The following ARHGAP6 variants were observed in gnomAD, a reference collection of about 807,000 sequenced individuals.
The protein encoded by ARHGAP6 is rho GTPase-activating protein 6.
In ARHGAP6, 16 loss-of-function variants were observed where a neutral mutation model predicts 55.7. The ratio of observed to expected loss-of-function variants is 0.29; its 90% CI spans 0.19 to 0.44. ARHGAP6 has a LOEUF of 0.44. Among genes scored for constraint, ARHGAP6 ranks in the 20% least tolerant of loss-of-function variants. The pLI is 1.00. For synonymous variants in ARHGAP6, 382 were observed against 360.9 expected, an observed-to-expected ratio of 1.06 and a Z score of -0.66; for missense variants, 698 against 808.9, an observed-to-expected ratio of 0.86 and a Z score of 1.66.
chrX:11,589,748 T>C (rs773271246), intron 1 of ARHGAP6, among the ~76,000 whole-genome samples: 1 of 111,435 alleles, frequency 9.0e-6, no homozygotes, highest in Non-Finnish European at 1.9e-5. Flanking sequence ...AGCCCACTCA[T>C]GTGGTGATGT....
chrX:11,176,232 C>CAT (rs746195419), intron 8 of ARHGAP6, among the ~76,000 whole-genome samples: 2,363 of 23,806 alleles, frequency 0.099, 217 homozygotes, highest in Admixed American at 0.11. Context: ...AGAGGATTTG[C>CAT]ATATATATAT....
chrX:11,241,018 C>T (rs1007235987), intron 2 of ARHGAP6, among the ~76,000 whole-genome samples: 12 of 103,580 alleles, frequency 1.2e-4, no homozygotes, highest in African/African-American at 4.3e-4. Flanking sequence ...GAGCTATGAT[C>T]GTGTCACTGC....
chrX:11,238,075 T>A (rs1419720443), intron 2 of ARHGAP6, among the ~76,000 whole-genome samples: 1 of 112,380 alleles, frequency 8.9e-6, no homozygotes, highest in African/African-American at 3.2e-5. Context: ...CTGGTCTATG[T>A]ATAACTCAAC....
Position 11,499,744 on chromosome X carries a change from C to G in ARHGAP6, c.588+164497G>C, listed in dbSNP as rs1333567373. ...ATTTCATCCTTACTGCCTGAAGGGA[C>G]TCTGATCCTTGCCTCTCCCAGGCAC... On this transcript the variant is annotated intron_variant, in intron 1 of 12. Coordinates refer to ENST00000337414, the MANE Select transcript of ARHGAP6 (RefSeq NM_013427.3). 2.7e-5 allele frequency among the ~76,000 whole-genome samples: 3 copies of G among 112,182 alleles called. No individual in the cohort carries two copies. The East Asian group carries it at 8.4e-4, about 31-fold the overall frequency.
At chrX:11,152,972 A>T (rs1255316225) in intron 10 of ARHGAP6, among the ~76,000 whole-genome samples, 1 of 111,967 alleles carries the variant, frequency 8.9e-6, no homozygotes, top group Non-Finnish European at 1.9e-5. Flanking sequence ...GGGGCTGGTG[A>T]GTCTGACAGC....
At chrX:11,541,274 C>G (rs1379156628) in intron 1 of ARHGAP6, among the ~76,000 whole-genome samples, 1 of 111,203 alleles carries the variant, frequency 9.0e-6, no homozygotes, top group Non-Finnish European at 1.9e-5. Flanking sequence ...GCAGGGCTAG[C>G]AGGCTTAGGA....
intron 2 of ARHGAP6, among the ~76,000 whole-genome samples, chrX:11,230,847 C>T (rs1323163090): frequency 5.4e-5 from 6 of 110,580 alleles, no homozygotes; most frequent in Admixed American, 3.9e-4. Context: ...CTCATTTACC[C>T]CCTGTTCTGC....
intron 2 of ARHGAP6, among the ~76,000 whole-genome samples, chrX:11,229,579 C>T (rs2047099288): frequency 8.9e-6 from 1 of 112,126 alleles, no homozygotes; most frequent in Non-Finnish European, 1.9e-5. Context: ...GTATGATGAA[C>T]TCTCTTACCT....
intron 2 of ARHGAP6, among the ~76,000 whole-genome samples, chrX:11,209,282 C>G (rs1465728312): frequency 9.0e-6 from 1 of 111,622 alleles, no homozygotes; most frequent in Admixed American, 9.5e-5. Context: ...TCTGGGATTA[C>G]AGATGTGTGC....
intron 1 of ARHGAP6, among the ~76,000 whole-genome samples, chrX:11,486,103 C>A (rs2050508555): frequency 9.0e-6 from 1 of 111,713 alleles, no homozygotes; most frequent in Admixed American, 9.5e-5. Context: ...GAGCTCAACA[C>A]ACACAAGCCA....
At chrX:11,360,803 G>A (rs1644547798) in intron 1 of ARHGAP6, among the ~76,000 whole-genome samples, 1 of 111,612 alleles carries the variant, frequency 9.0e-6, no homozygotes, top group African/African-American at 3.3e-5. Context: ...AGCAACCTCA[G>A]CAAAGTCTCA....
At chrX:11,334,385 T>C (rs2048602313) in intron 1 of ARHGAP6, 1 of 113,392 alleles carries the variant, frequency 8.8e-6, no homozygotes, top group Non-Finnish European at 1.9e-5. Flanking sequence ...AAACAAAGCA[T>C]GCCAATTTAG....
intron 1 of ARHGAP6, among the ~76,000 whole-genome samples, chrX:11,517,198 T>C (rs908187658): frequency 2.7e-5 from 3 of 111,953 alleles, no homozygotes; most frequent in Non-Finnish European, 3.8e-5. Flanking sequence ...AGCCCAGGCA[T>C]GACCTTCTTG....
At chrX:11,663,757 C>T (rs894925602) in intron 1 of ARHGAP6, among the ~76,000 whole-genome samples, 4 of 111,863 alleles carry the variant, frequency 3.6e-5, no homozygotes, top group South Asian at 3.8e-4. Context: ...TCTTGTCCCC[C>T]CTGCCACCCA....
intron 1 of ARHGAP6, among the ~76,000 whole-genome samples, chrX:11,513,830 T>G (rs1024481118): frequency 1.8e-5 from 2 of 110,937 alleles, no homozygotes; most frequent in African/African-American, 6.5e-5. Flanking sequence ...CACACTCTCC[T>G]TCACTTTCCA....
At chrX:11,278,484 G>T (rs1169763670) in intron 1 of ARHGAP6, among the ~76,000 whole-genome samples, 1 of 111,737 alleles carries the variant, frequency 8.9e-6, no homozygotes, top group African/African-American at 3.3e-5. Flanking sequence ...ATGCAGCTCT[G>T]TCAACACCTT....
At chrX:11,455,435 T>A (rs1002133677) in intron 1 of ARHGAP6, among the ~76,000 whole-genome samples, 3 of 112,415 alleles carry the variant, frequency 2.7e-5, no homozygotes, top group Non-Finnish European at 5.6e-5. Flanking sequence ...AGTAGCTGGA[T>A]CTTGCCACAG....
chrX:11,611,724 G>C (rs1012156524), intron 1 of ARHGAP6, among the ~76,000 whole-genome samples: 2 of 111,407 alleles, frequency 1.8e-5, no homozygotes, highest in African/African-American at 3.3e-5. Context: ...CCTTGCCCTT[G>C]CATTTCCACT....
intron 9 of ARHGAP6, among the ~76,000 whole-genome samples, chrX:11,164,738 G>A (rs1349338768): frequency 8.9e-6 from 1 of 111,964 alleles, no homozygotes; most frequent in Non-Finnish European, 1.9e-5. Flanking sequence ...TACAAGGGTG[G>A]TGTCTTCTCT....
Sources: gnomAD v4.1 joint callset for allele counts (sites outside exome capture counted in the v4.1 genomes callset) on GRCh38, gnomAD v4.1.1 for gene constraint, MANE v1.5 for transcripts, NCBI Gene and HGNC (gene_info 2026-07-23, HGNC 2026-07-21) for gene names.